Variants in GFRAL observed in about 807,000 individuals in gnomAD.
GFRAL encodes the protein GDNF family receptor alpha like, also known as GDNF family receptor alpha-like.
GFRAL carries 36 observed loss-of-function variants against 45.4 expected under a neutral mutation model. The observed-to-expected ratio is 0.79, with a 90% CI of 0.61 to 1.05. The LOEUF is 1.05. GFRAL is among the 50% of genes least tolerant of loss of function. The probability of loss-of-function intolerance (pLI) is 0.00; values close to 1 mark genes in which losing one functional copy is unlikely to be tolerated. For synonymous variants in GFRAL, 166 were observed against 154.1 expected (o/e 1.08, Z -0.57); for missense variants, 507 against 467.5 (o/e 1.08, Z -0.78).
intron 3 of GFRAL, among the ~76,000 whole-genome samples, chr6:55,344,704 G>A (rs1051197594): frequency 3.3e-5 from 5 of 152,188 alleles, no homozygotes; most frequent in African/African-American, 1.2e-4. Context: ...AATCAGGCAG[G>A]AGAAAGAAAT....
intron 6 of GFRAL, among the ~76,000 whole-genome samples, chr6:55,386,060 C>A (rs1249842243): frequency 6.6e-6 from 1 of 151,986 alleles, no homozygotes; most frequent in Non-Finnish European, 1.5e-5. Flanking sequence ...ACTTTCCTTT[C>A]CTAATACTAT....
intron 3 of GFRAL, among the ~76,000 whole-genome samples, chr6:55,341,137 GACTTA>G (rs1767959224): frequency 6.6e-6 from 1 of 152,190 alleles, no homozygotes; most frequent in African/African-American, 2.4e-5. Context: ...AACCTCTGCA[GACTTA>G]AATGTCCCTG....
At chr6:55,377,084 C>A (rs879490215) in intron 6 of GFRAL, among the ~76,000 whole-genome samples, 3 of 152,028 alleles carry the variant, frequency 2.0e-5, no homozygotes, top group Non-Finnish European at 4.4e-5. Flanking sequence ...CACTCCAGTT[C>A]TTTCAAACCA....
At chr6:55,366,824 G>A (rs1413595822) in intron 6 of GFRAL, among the ~76,000 whole-genome samples, 8 of 114,534 alleles carry the variant, frequency 7.0e-5, no homozygotes, top group African/African-American at 1.2e-4. Context: ...TATAATTTCT[G>A]TTCTTTTACA....
intron 6 of GFRAL, among the ~76,000 whole-genome samples, chr6:55,360,133 G>C (rs1002923618): frequency 7.9e-5 from 12 of 152,024 alleles, no homozygotes; most frequent in African/African-American, 2.9e-4. Flanking sequence ...GGTCAAGAAG[G>C]ACTTTCATGA....
At chr6:55,345,837 C>T (rs1768034035) in intron 3 of GFRAL, among the ~76,000 whole-genome samples, 2 of 151,996 alleles carry the variant, frequency 1.3e-5, no homozygotes, top group Admixed American at 1.3e-4. Context: ...AGAACTCAAA[C>T]AAATTTACAA....
chr6:55,329,922 A>G (rs10948902), intron 1 of GFRAL, among the ~76,000 whole-genome samples: 11,515 of 152,166 alleles, frequency 0.076, 469 homozygotes, highest in South Asian at 0.17. Flanking sequence ...ATTCATAATT[A>G]ACAACAGCAT....
Position 55,358,904 on chromosome 6 carries a change from T to C in GFRAL, c.718T>C (p.Phe240Leu), listed in dbSNP as rs750531560. 2 of 1,612,554 alleles carry C rather than the reference T, an allele frequency of 1.2e-6. No homozygotes were observed. The highest frequency in any genetic ancestry group is 4.5e-5 in the East Asian group (2 of 44,826). The change falls in exon 6 of 9, where the codon TTT (phenylalanine) becomes CTT (leucine). Residue 240 changes from phenylalanine to leucine, a missense_variant. By Grantham distance (22) the Phe-to-Leu change is conservative. Coordinates refer to ENST00000340465, the MANE Select transcript of GFRAL (RefSeq NM_207410.2). ...TTTCTCTAGGAGGCACTATAGAACA[T>C]TTCAGTCAAAATGCTGGCAGCGTGT... ...DELCRRHYRTFQSKCWQRVTR... is the reference protein window; with the variant it reads ...DELCRRHYRTLQSKCWQRVTR...
chr6:55,401,039 C>T (rs1768890434), intron 8 of GFRAL, among the ~76,000 whole-genome samples: 1 of 152,128 alleles, frequency 6.6e-6, no homozygotes, highest in African/African-American at 2.4e-5. Context: ...TCATAATTCC[C>T]TATGTATTTG....
chr6:55,382,453 A>G (rs1008149275), intron 6 of GFRAL, among the ~76,000 whole-genome samples: 3 of 151,980 alleles, frequency 2.0e-5, no homozygotes, highest in African/African-American at 4.8e-5. Flanking sequence ...ATGCTATTTA[A>G]TATATACACT....
chr6:55,352,999 A>T (rs1768139613), intron 5 of GFRAL, among the ~76,000 whole-genome samples: 1 of 152,062 alleles, frequency 6.6e-6, no homozygotes, highest in African/African-American at 2.4e-5. Context: ...AACAGTAGAT[A>T]CTGAGAGAGG....
chr6:55,342,988 A>G (rs1767989441), intron 3 of GFRAL, among the ~76,000 whole-genome samples: 2 of 152,198 alleles, frequency 1.3e-5, no homozygotes, highest in Non-Finnish European at 2.9e-5. Context: ...TATCCTAAAT[A>G]TATATGCACC....
At chr6:55,374,621 G>T (rs559812621) in intron 6 of GFRAL, among the ~76,000 whole-genome samples, 2 of 152,014 alleles carry the variant, frequency 1.3e-5, no homozygotes, top group South Asian at 2.1e-4. Flanking sequence ...TGTGCAAAAG[G>T]TCTTTAGTTT....
chr6:55,342,625 G>A (rs1767984198), intron 3 of GFRAL, among the ~76,000 whole-genome samples: 1 of 151,902 alleles, frequency 6.6e-6, no homozygotes, highest in African/African-American at 2.4e-5. Context: ...CAACCAACGA[G>A]CAAAATAACC....
chr6:55,393,606 A>T (rs1768783105), intron 6 of GFRAL, among the ~76,000 whole-genome samples: 1 of 152,160 alleles, frequency 6.6e-6, no homozygotes, highest in Admixed American at 6.6e-5. Context: ...AGTAAAGAAA[A>T]TGTTTAATGT....
chr6:55,382,080 T>C (rs1311679916), intron 6 of GFRAL, among the ~76,000 whole-genome samples: 2 of 151,878 alleles, frequency 1.3e-5, no homozygotes, highest in African/African-American at 4.8e-5. Flanking sequence ...GCTTCTTGGT[T>C]TTCCAAGGAA....
chr6:55,371,749 T>A (rs1768453411), intron 6 of GFRAL, among the ~76,000 whole-genome samples: 1 of 152,240 alleles, frequency 6.6e-6, no homozygotes, highest in South Asian at 2.1e-4. Context: ...TGTGGTAGAG[T>A]GATTTGTCAT....
intron 6 of GFRAL, 48 bp downstream of exon 6, chr6:55,359,186 CATCT>C (rs1554188845): frequency 3.7e-5 from 53 of 1,449,870 alleles, no homozygotes; most frequent in African/African-American, 2.7e-4. Flanking sequence ...ATCTATCTAT[CATCT>C]ATCTATCTAT....
At position 55,399,160 on chromosome 6, in the gene GFRAL, T is replaced by A. The variant is rs756015631; in HGVS notation, c.953-20T>A. On this transcript the variant is annotated intron_variant, in intron 6 of 8. Coordinates refer to ENST00000340465, the MANE Select transcript of GFRAL (RefSeq NM_207410.2). ...AATGTATGATATGTAACTAATCTCA[T>A]TTTTATGATTTTCTTTCAGATTATC... 2.2e-6 allele frequency: 3 copies of A among 1,360,116 alleles called. No homozygotes were observed. In the South Asian group the frequency reaches 4.0e-5, roughly 18 times the overall value. The allele number at this position is 1,360,116 out of a possible 1,614,324, so 84.3% of individuals were successfully genotyped here. A position where few individuals can be genotyped will look rare whatever the true frequency, so the allele number is the denominator to read the frequency against.
Sources: gnomAD v4.1 joint callset for allele counts (sites outside exome capture counted in the v4.1 genomes callset) on GRCh38, gnomAD v4.1.1 for gene constraint, MANE v1.5 for transcripts, NCBI Gene and HGNC (gene_info 2026-07-23, HGNC 2026-07-21) for gene names.